SYT2: variants seen among roughly 807,000 people sequenced by gnomAD.
The protein encoded by SYT2 is synaptotagmin-2.
SYT2 carries 15 observed loss-of-function variants against 39.9 expected under a neutral mutation model. The observed-to-expected ratio is 0.38, with a 90% CI of 0.25 to 0.58. The LOEUF is 0.58. SYT2 is among the 20% of genes least tolerant of loss of function. The probability of loss-of-function intolerance (pLI) is 0.70; values close to 1 mark genes in which losing one functional copy is unlikely to be tolerated. For synonymous variants in SYT2, 181 were observed against 204.5 expected, an observed-to-expected ratio of 0.89 and a Z score of 0.98; for missense variants, 389 against 530.3, an observed-to-expected ratio of 0.73 and a Z score of 2.62.
intron 1 of SYT2, among the ~76,000 whole-genome samples, chr1:202,659,819 C>A (rs944450580): frequency 3.3e-5 from 5 of 152,150 alleles, no homozygotes; most frequent in African/African-American, 1.2e-4. Flanking sequence ...TGCCAGTCAG[C>A]CCATCTGTCG....
intron 1 of SYT2, among the ~76,000 whole-genome samples, chr1:202,668,279 C>T (rs1692518077): frequency 6.6e-6 from 1 of 152,228 alleles, no homozygotes; most frequent in Non-Finnish European, 1.5e-5. Context: ...CTGGTTAAGA[C>T]ACATGTCTGC....
At chr1:202,635,465 T>C (rs926160028) in intron 1 of SYT2, among the ~76,000 whole-genome samples, 2 of 152,186 alleles carry the variant, frequency 1.3e-5, no homozygotes, top group African/African-American at 4.8e-5. Context: ...ATATCTTCTT[T>C]AGGGAAGCCT....
intron 1 of SYT2, among the ~76,000 whole-genome samples, chr1:202,686,968 G>A (rs1288589724): frequency 6.6e-6 from 1 of 152,006 alleles, no homozygotes; most frequent in African/African-American, 2.4e-5. Context: ...TCCCTTGGGC[G>A]GACCTGACAG....
In SYT2 at chr1:202,595,745, G is replaced by A. The variant is rs377156394; in HGVS notation, c.*1012C>T. On this transcript the variant is annotated 3_prime_UTR_variant, in exon 9 of 9. Transcript: ENST00000367268. ...ACTTGGCTGCTTATATTCTGGAAAG[G>A]GAGAAAGCATCTGTGTTTCCCACTG... 10 of 152,366 alleles carry A rather than the reference G, an allele frequency of 6.6e-5. No homozygotes were observed. Among genetic ancestry groups the A allele is most frequent in the Middle Eastern group, 3.4e-3 (1 of 294 alleles). The allele number at this position is 152,366 out of a possible 1,614,324, so 9.4% of individuals were successfully genotyped here.
intron 1 of SYT2, among the ~76,000 whole-genome samples, chr1:202,606,744 A>G (rs1371537616): frequency 6.6e-6 from 1 of 152,194 alleles, no homozygotes; most frequent in African/African-American, 2.4e-5. Flanking sequence ...TATTAATAAC[A>G]TAACCCAGAC....
In SYT2 at chr1:202,595,862, G is replaced by A. The variant is rs1459976707; in HGVS notation, c.*895C>T. 1 of 152,166 alleles carries A rather than the reference G, an allele frequency of 6.6e-6. No individual in the cohort carries two copies. Among genetic ancestry groups the A allele is most frequent in the Non-Finnish European group, 1.5e-5 (1 of 68,042 alleles). 9.4% of individuals were successfully genotyped at this position (152,166 alleles called of 1,614,324 possible). ...TTTGATATTTATTGTCAATAAGAGT[G>A]AGATTTTGGGACTGAGAGTCCCTGT... On this transcript the variant is annotated 3_prime_UTR_variant, in exon 9 of 9. Transcript: ENST00000367268.
intron 1 of SYT2, among the ~76,000 whole-genome samples, chr1:202,694,411 G>A (rs1374909428): frequency 6.6e-6 from 1 of 152,188 alleles, no homozygotes; most frequent in Non-Finnish European, 1.5e-5. Flanking sequence ...TTCAGCATGT[G>A]TAAACAGACC....
rs1266451296 is a variant in SYT2 at position 202,595,634 on chromosome 1, T to G, written c.*1123A>C. Reference sequence around the variant, plus strand: ...CTTTCCTTTTAAAGTTCTCTGGCTCTGCACAGATAACGTGTCTTCAGACAG... The same window carrying G: ...CTTTCCTTTTAAAGTTCTCTGGCTCGGCACAGATAACGTGTCTTCAGACAG... On this transcript the variant is annotated 3_prime_UTR_variant, in exon 9 of 9. Coordinates refer to ENST00000367268, the MANE Select transcript of SYT2 (RefSeq NM_177402.5). 1 of 152,238 alleles carries G rather than the reference T, an allele frequency of 6.6e-6. No homozygotes were observed. The highest frequency in any genetic ancestry group is 1.5e-5 in the Non-Finnish European group (1 of 68,046). 9.4% of individuals were successfully genotyped at this position (152,238 alleles called of 1,614,324 possible).
chr1:202,678,697 C>G (rs765864657), intron 1 of SYT2, among the ~76,000 whole-genome samples: 1 of 152,154 alleles, frequency 6.6e-6, no homozygotes, highest in African/African-American at 2.4e-5. Context: ...GGATCCTGCT[C>G]GCCAACTGTC....
chr1:202,669,035 A>C (rs1692533065), intron 1 of SYT2, among the ~76,000 whole-genome samples: 1 of 152,214 alleles, frequency 6.6e-6, no homozygotes. Flanking sequence ...TGTTTCTGAA[A>C]GTCTAGGGTA....
At chr1:202,702,922 G>A (rs537371037) in intron 1 of SYT2, among the ~76,000 whole-genome samples, 9 of 152,202 alleles carry the variant, frequency 5.9e-5, no homozygotes, top group African/African-American at 1.9e-4. Context: ...CCCTCCTTGC[G>A]GCCTCACAGC....
chr1:202,611,215 C>T (rs550754809), intron 1 of SYT2, among the ~76,000 whole-genome samples: 1 of 152,272 alleles, frequency 6.6e-6, no homozygotes, highest in African/African-American at 2.4e-5. Flanking sequence ...CTTTGGTCAT[C>T]TTAAAATATT....
chr1:202,591,114 A>G lies in SYT2; in HGVS notation c.*5643T>C, dbSNP rs537964876. The G allele has an allele frequency of 6.6e-6, 1 of 152,364 alleles. No homozygotes were observed. The highest frequency in any genetic ancestry group is 2.1e-4 in the South Asian group (1 of 4,816). 9.4% of individuals were successfully genotyped at this position (152,364 alleles called of 1,614,324 possible). On this transcript the variant is annotated 3_prime_UTR_variant, in exon 9 of 9. Coordinates refer to ENST00000367268, the MANE Select transcript of SYT2 (RefSeq NM_177402.5). ...AAGCAAGACATGTCTTCACTGGTCC[A>G]AGCACCTGATTCCAGCCTGCTCTGA...
chr1:202,659,721 T>G (rs1199993484), intron 1 of SYT2, among the ~76,000 whole-genome samples: 1 of 152,252 alleles, frequency 6.6e-6, no homozygotes, highest in Non-Finnish European at 1.5e-5. Flanking sequence ...TCCTCTAATG[T>G]TGGGTCTCTC....
intron 1 of SYT2, among the ~76,000 whole-genome samples, chr1:202,685,528 CA>C (rs1345995842): frequency 6.6e-6 from 1 of 152,184 alleles, no homozygotes. Flanking sequence ...GACACACTGG[CA>C]TCAGCCCTTC....
chr1:202,669,939 G>A (rs1048283036), intron 1 of SYT2, among the ~76,000 whole-genome samples: 3 of 152,156 alleles, frequency 2.0e-5, no homozygotes, highest in Non-Finnish European at 2.9e-5. Context: ...CCTCATTGGT[G>A]TAAAAGCAGA....
intron 1 of SYT2, among the ~76,000 whole-genome samples, chr1:202,664,413 T>C (rs1368331121): frequency 6.6e-6 from 1 of 152,214 alleles, no homozygotes; most frequent in Non-Finnish European, 1.5e-5. Context: ...CAATGAAATA[T>C]CCTCATTTTA....
chr1:202,607,625 A>G (rs1209799484), intron 1 of SYT2, among the ~76,000 whole-genome samples: 1 of 152,134 alleles, frequency 6.6e-6, no homozygotes, highest in Non-Finnish European at 1.5e-5. Context: ...TGGCCTGTAC[A>G]TTGATGCAAT....
intron 1 of SYT2, among the ~76,000 whole-genome samples, chr1:202,682,775 G>A (rs553355488): frequency 6.6e-6 from 1 of 152,148 alleles, no homozygotes; most frequent in South Asian, 2.1e-4. Flanking sequence ...GATCCAATAG[G>A]TAGGTGATGG....
Sources: gnomAD v4.1 joint callset for allele counts (sites outside exome capture counted in the v4.1 genomes callset) on GRCh38, gnomAD v4.1.1 for gene constraint, MANE v1.5 for transcripts, NCBI Gene and HGNC (gene_info 2026-07-23, HGNC 2026-07-21) for gene names.